The following SMYD2 variants were observed in gnomAD, a reference collection of about 807,000 sequenced individuals.
The protein encoded by SMYD2 is N-lysine methyltransferase SMYD2.
Under a neutral mutation model 59.1 loss-of-function variants are expected in SMYD2, and 53 were observed. That is an observed-to-expected ratio of 0.90 (90% CI 0.72 to 1.13). The LOEUF (loss-of-function observed/expected upper bound fraction) is 1.13. SMYD2 is among the 50% of genes most tolerant of loss of function. SMYD2 has a pLI of 0.00. For synonymous variants in SMYD2, 208 were observed against 198.8 expected, an observed-to-expected ratio of 1.05 and a Z score of -0.39; for missense variants, 494 against 544.7, an observed-to-expected ratio of 0.91 and a Z score of 0.93.
intron 1 of SMYD2, among the ~76,000 whole-genome samples, chr1:214,301,234 T>C (rs764647992): frequency 9.2e-5 from 14 of 152,166 alleles, no homozygotes; most frequent in Admixed American, 2.0e-4. Flanking sequence ...GATACGTAAT[T>C]GGTAAGAGAA....
chr1:214,334,178 G>A (rs758811710), intron 10 of SMYD2, 22 bp from the exon 11 acceptor site: 2 of 1,608,430 alleles, frequency 1.2e-6, no homozygotes, highest in Non-Finnish European at 1.7e-6. Flanking sequence ...ATGGTGGCCT[G>A]TTGTCTCTTC....
chr1:214,301,784 A>G (rs907008513), intron 1 of SMYD2, among the ~76,000 whole-genome samples: 28 of 151,386 alleles, frequency 1.8e-4, no homozygotes, highest in Non-Finnish European at 3.7e-4. Context: ...AAAAAAAAAA[A>G]AAAGCCAGGA....
chr1:214,321,429 T>C (rs1242694768), intron 5 of SMYD2, among the ~76,000 whole-genome samples: 1 of 152,176 alleles, frequency 6.6e-6, no homozygotes, highest in East Asian at 1.9e-4. Flanking sequence ...CATATGTAAA[T>C]TTGAAAGGGG....
intron 6 of SMYD2, among the ~76,000 whole-genome samples, chr1:214,325,274 C>T (rs1298393914): frequency 1.3e-5 from 2 of 152,192 alleles, no homozygotes; most frequent in Non-Finnish European, 2.9e-5. Flanking sequence ...AGCCAGTTGA[C>T]AAATGGAGAT....
intron 1 of SMYD2, among the ~76,000 whole-genome samples, chr1:214,283,958 A>G (rs1656489855): frequency 6.6e-6 from 1 of 152,224 alleles, no homozygotes; most frequent in African/African-American, 2.4e-5. Context: ...AAATTGAGAA[A>G]TAATGGAAAA....
At chr1:214,326,834 G>A (rs1296648176) in intron 6 of SMYD2, among the ~76,000 whole-genome samples, 1 of 152,196 alleles carries the variant, frequency 6.6e-6, no homozygotes, top group Non-Finnish European at 1.5e-5. Flanking sequence ...GTAGGAGCAT[G>A]AGCCCCAGTT....
At chr1:214,336,261 G>A (rs564120543) in intron 11 of SMYD2, among the ~76,000 whole-genome samples, 32 of 152,150 alleles carry the variant, frequency 2.1e-4, no homozygotes, top group African/African-American at 5.8e-4. Flanking sequence ...GGCCAGGCAC[G>A]GTGGCTCATG....
At chr1:214,284,933 A>G (rs762007377) in intron 1 of SMYD2, among the ~76,000 whole-genome samples, 18 of 152,254 alleles carry the variant, frequency 1.2e-4, no homozygotes, top group Middle Eastern at 6.8e-3. Flanking sequence ...AGATCTTTTG[A>G]TCTTTAGTCT....
chr1:214,303,875 G>A (rs1656866947), intron 1 of SMYD2, among the ~76,000 whole-genome samples: 1 of 152,262 alleles, frequency 6.6e-6, no homozygotes, highest in African/African-American at 2.4e-5. Flanking sequence ...CAGTGTAGCC[G>A]CTTCGTGCTG....
Position 214,313,549 on chromosome 1 carries a change from TCTAAG to T in SMYD2, c.238-1210_238-1206del, listed in dbSNP as rs559510155. 3.1e-3 allele frequency among the ~76,000 whole-genome samples: 467 copies of T among 151,840 alleles called. 3 individuals carry two copies. The highest frequency in any genetic ancestry group is 0.011 in the African/African-American group (452 of 41,408). ...AAAGTCCCCCGCAACTTTTCACTAC[TCTAAG>T]CTGTGTCTCCTTTCATTTTTTCTTG... On this transcript the variant is annotated intron_variant, in intron 2 of 11. Transcript: ENST00000366957.
chr1:214,302,385 AG>A (rs1656838916), intron 1 of SMYD2, among the ~76,000 whole-genome samples: 1 of 151,864 alleles, frequency 6.6e-6, no homozygotes, highest in African/African-American at 2.4e-5. Context: ...ATTTACGCTT[AG>A]GCATCTGAAG....
intron 1 of SMYD2, among the ~76,000 whole-genome samples, chr1:214,290,284 G>C (rs1045127259): frequency 5.3e-5 from 8 of 152,158 alleles, no homozygotes; most frequent in African/African-American, 1.4e-4. Context: ...ATCCAGCTGT[G>C]TCTCTCAGAT....
Position 214,318,140 on chromosome 1 carries a change from G to GGA in SMYD2, c.409+1_409+2insGA. 6.2e-7 allele frequency: 1 copy of GGA among 1,613,734 alleles called. No homozygotes were observed. Among genetic ancestry groups the GGA allele is most frequent in the Non-Finnish European group, 8.5e-7 (1 of 1,179,894 alleles). On this transcript the variant is annotated splice_donor_variant, in intron 4 of 11. Coordinates refer to ENST00000366957, the MANE Select transcript of SMYD2 (RefSeq NM_020197.3). LOFTEE classifies it high-confidence loss of function. This position sits in a 1 kb window ranked among gnomAD's most constrained non-coding sequence, Gnocchi z 5.4. ...TTAGCTGTGAAGGAGTTTGAATCACGTAAGTCTTTCTGTGACCAGCCGCGC... is the reference window on the plus strand; with the variant it reads ...TTAGCTGTGAAGGAGTTTGAATCACGGATAAGTCTTTCTGTGACCAGCCGCGC...
chr1:214,293,088 T>C (rs970495631), intron 1 of SMYD2, among the ~76,000 whole-genome samples: 1 of 151,444 alleles, frequency 6.6e-6, no homozygotes, highest in African/African-American at 2.4e-5. Context: ...AGTCTCTCTC[T>C]GTCACCCAGG....
chr1:214,335,524 A>G (rs1231904542), intron 11 of SMYD2, among the ~76,000 whole-genome samples: 1 of 152,218 alleles, frequency 6.6e-6, no homozygotes, highest in Non-Finnish European at 1.5e-5. Flanking sequence ...AGGAGAATAT[A>G]TAATAGATAG....
At chr1:214,300,985 CAG>C (rs781511869) in intron 1 of SMYD2, among the ~76,000 whole-genome samples, 5 of 152,152 alleles carry the variant, frequency 3.3e-5, no homozygotes, top group African/African-American at 1.2e-4. Flanking sequence ...TCAAGTTAAA[CAG>C]AAAATTATGA....
chr1:214,332,458 G>A (rs1657371884), intron 10 of SMYD2: 1 of 321,842 alleles, frequency 3.1e-6, no homozygotes, highest in African/African-American at 2.1e-5. Flanking sequence ...ATCCATAGTA[G>A]TTAACTCAGG....
chr1:214,320,475 A>C (rs2102472107), intron 5 of SMYD2, among the ~76,000 whole-genome samples: 1 of 152,344 alleles, frequency 6.6e-6, no homozygotes, highest in Admixed American at 6.5e-5. Context: ...CACATAAAGA[A>C]AGTGGCCAGG....
At chr1:214,288,824 G>C (rs1398843981) in intron 1 of SMYD2, among the ~76,000 whole-genome samples, 2 of 151,974 alleles carry the variant, frequency 1.3e-5, no homozygotes, top group Non-Finnish European at 2.9e-5. Context: ...TGTAGGCTTG[G>C]AATATTTTTA....
Sources: gnomAD v4.1 joint callset for allele counts (sites outside exome capture counted in the v4.1 genomes callset) on GRCh38, gnomAD v4.1.1 for gene constraint, Gnocchi (gnomAD v3.1) non-coding constraint, MANE v1.5 for transcripts, NCBI Gene and HGNC (gene_info 2026-07-23, HGNC 2026-07-21) for gene names.